The following CCDC57 variants were observed in gnomAD, a reference collection of about 807,000 sequenced individuals.
The protein encoded by CCDC57 is coiled-coil domain containing 57, also known as coiled-coil domain-containing protein 57.
In CCDC57, 118 loss-of-function variants were observed where a neutral mutation model predicts 118.9. That is an observed-to-expected ratio of 0.99 (90% CI 0.86 to 1.16). The LOEUF (loss-of-function observed/expected upper bound fraction) is 1.16, where lower values mean the gene tolerates loss of function less well. CCDC57 is among the 50% of genes most tolerant of loss of function. The pLI is 0.00. For synonymous variants in CCDC57, 527 were observed against 532.9 expected (o/e 0.99, Z 0.15); for missense variants, 1,300 against 1,320.7 (o/e 0.98, Z 0.24).
At chr17:82,104,095 G>A (rs1003627220) in intron 19 of CCDC57, among the ~76,000 whole-genome samples, 1 of 152,162 alleles carries the variant, frequency 6.6e-6, no homozygotes, top group African/African-American at 2.4e-5. Flanking sequence ...CTGTGACCCC[G>A]GATTCTTCTA....
intron 16 of CCDC57, among the ~76,000 whole-genome samples, chr17:82,146,776 T>C (rs2040798181): frequency 6.6e-6 from 1 of 152,056 alleles, no homozygotes; most frequent in African/African-American, 2.4e-5. Context: ...CAGTCTCACA[T>C]ACAAATGTAT....
rs543524020 is a variant in CCDC57, at chr17:82,176,913, G to A, written c.1506+1561C>T. On this transcript the variant is annotated intron_variant, in intron 11 of 19. Transcript: ENST00000665763. The stretch of plus-strand genomic sequence containing the variant: ...TCTTTAGCCTGAGACCTATCCCTAG[G>A]TAAGTAACTGAATTGGCATTTGCCT... 3.3e-5 allele frequency among the ~76,000 whole-genome samples: 5 copies of A among 151,754 alleles called. No homozygotes were observed. The South Asian group carries it at 1.0e-3, about 32-fold the overall frequency.
intron 8 of CCDC57, among the ~76,000 whole-genome samples, chr17:82,187,686 C>T (rs1419200537): frequency 4.0e-5 from 2 of 50,172 alleles, no homozygotes; most frequent in African/African-American, 8.4e-5. Context: ...GCAGGGGTTG[C>T]GGGGGGTGCT....
At chr17:82,103,005 G>C (rs2034571182) in intron 19 of CCDC57, among the ~76,000 whole-genome samples, 1 of 152,254 alleles carries the variant, frequency 6.6e-6, no homozygotes, top group South Asian at 2.1e-4. Flanking sequence ...ATGTGGCCCA[G>C]TGGGCAGTCT....
chr17:82,208,517 A>G (rs1355261006), intron 1 of CCDC57, among the ~76,000 whole-genome samples: 1 of 151,936 alleles, frequency 6.6e-6, no homozygotes, highest in Non-Finnish European at 1.5e-5. Context: ...GGCCTCCCGA[A>G]GTGCTGGGAT....
At chr17:82,148,641 T>G (rs2041314692) in intron 16 of CCDC57, among the ~76,000 whole-genome samples, 3 of 74,822 alleles carry the variant, frequency 4.0e-5, no homozygotes, top group African/African-American at 1.0e-4. Flanking sequence ...GATGGATGGG[T>G]GGGTGGGTGA....
At chr17:82,123,613 A>C (rs1319321141) in intron 19 of CCDC57, among the ~76,000 whole-genome samples, 2 of 152,196 alleles carry the variant, frequency 1.3e-5, no homozygotes, top group Non-Finnish European at 2.9e-5. Context: ...ATAGATTGAT[A>C]ATTGTAGTTT....
chr17:82,118,079 T>C lies in CCDC57; in HGVS notation c.2899+9613A>G, dbSNP rs939771406. Reference sequence around the variant, plus strand: ...AACTACCAGAAAGATCTGTCGGCTCTGTGTGTACTGACATAAAAAATACTG... The same window carrying C: ...AACTACCAGAAAGATCTGTCGGCTCCGTGTGTACTGACATAAAAAATACTG... On this transcript the variant is annotated intron_variant, in intron 19 of 19. Coordinates refer to ENST00000665763, the Ensembl canonical transcript of CCDC57. The surrounding 1 kb of genome is among the most constrained non-coding windows in gnomAD (Gnocchi z 4.7). Among the ~76,000 whole-genome samples the C allele has an allele frequency of 6.6e-6, 1 of 152,228 alleles. No homozygotes were observed. Among genetic ancestry groups the C allele is most frequent in the Non-Finnish European group, 1.5e-5 (1 of 68,040 alleles).
chr17:82,160,456 T>C (rs948388798), intron 14 of CCDC57: 2 of 150,668 alleles, frequency 1.3e-5, no homozygotes, highest in African/African-American at 4.9e-5. Flanking sequence ...CAGTGGCTCA[T>C]ACCTGTAATC....
Position 82,195,244 on chromosome 17 carries a change from C to T in CCDC57, c.618+19G>A. 1.3e-6 allele frequency: 2 copies of T among 1,560,638 alleles called. No individual in the cohort carries two copies. Among genetic ancestry groups the T allele is most frequent in the South Asian group, 1.2e-5 (1 of 84,936 alleles). ...GAAAAACCGAAAAACCTTCACGACC[C>T]AAGGGTGCCCCCAGTTACCTTAAGC... On this transcript the variant is annotated intron_variant, in intron 5 of 19. Transcript: ENST00000665763.
exon 9 of CCDC57, chr17:82,183,802 C>T (rs1412838819): frequency 6.3e-7 from 1 of 1,583,456 alleles, no homozygotes. Context: ...GATCGGGCCA[C>T]CTGTGCCTTG....
intron 2 of CCDC57, among the ~76,000 whole-genome samples, chr17:82,204,210 C>G (rs958482457): frequency 6.6e-6 from 1 of 152,196 alleles, no homozygotes; most frequent in African/African-American, 2.4e-5. Context: ...CCACCTGGAC[C>G]ACCTCAGCCT....
intron 19 of CCDC57, chr17:82,113,745 T>A: frequency 1.4e-6 from 1 of 691,470 alleles, no homozygotes. Flanking sequence ...CCAGCCTGGG[T>A]GACATAGTGA....
At chr17:82,208,308 A>G (rs1166838991) in intron 1 of CCDC57, among the ~76,000 whole-genome samples, 1 of 152,138 alleles carries the variant, frequency 6.6e-6, no homozygotes. Context: ...CCAGGCTGGA[A>G]TGCAGTGGCG....
chr17:82,108,574 G>A (rs2035026236), intron 19 of CCDC57, among the ~76,000 whole-genome samples: 1 of 152,098 alleles, frequency 6.6e-6, no homozygotes, highest in Admixed American at 6.5e-5. Context: ...AAGACGCACA[G>A]CAGATTTTCA....
chr17:82,188,280 G>T, exon 8 of CCDC57: 1 of 1,581,998 alleles, frequency 6.3e-7, no homozygotes, highest in Non-Finnish European at 8.6e-7. Context: ...GCCCTGCGGA[G>T]CTGCGCCTCG....
At chr17:82,195,610 C>T (rs1036822190) in intron 4 of CCDC57, among the ~76,000 whole-genome samples, 1 of 151,386 alleles carries the variant, frequency 6.6e-6, no homozygotes, top group East Asian at 1.9e-4. Context: ...GAGGCCCTGT[C>T]GCTACAGAAA....
intron 11 of CCDC57, among the ~76,000 whole-genome samples, 191 bp from the exon 11 acceptor site, chr17:82,173,051 T>C (rs1158588950): frequency 2.0e-5 from 3 of 152,100 alleles, no homozygotes; most frequent in Non-Finnish European, 4.4e-5. Flanking sequence ...GACACTCAAA[T>C]TCCTGGAGCC....
At chr17:82,101,974 G>A (rs78414096) in intron 19 of CCDC57, 108 bp from the exon 19 acceptor site, 35,860 of 1,126,136 alleles carry the variant, frequency 0.032, 742 homozygotes, top group South Asian at 0.068. Flanking sequence ...CCCGGCCAGC[G>A]GGGGCCCTGT....
Sources: gnomAD v4.1 joint callset for allele counts (sites outside exome capture counted in the v4.1 genomes callset) on GRCh38, gnomAD v4.1.1 for gene constraint, Gnocchi (gnomAD v3.1) non-coding constraint, MANE v1.5 for transcripts, NCBI Gene and HGNC (gene_info 2026-07-23, HGNC 2026-07-21) for gene names.